MOCS1: variants seen among roughly 807,000 people sequenced by gnomAD.
MOCS1 encodes molybdenum cofactor biosynthesis protein 1.
A neutral mutation model predicts 57.6 loss-of-function variants in MOCS1; 39 were observed. The observed-to-expected ratio is 0.68, with a 90% CI of 0.52 to 0.88. MOCS1 has a LOEUF of 0.88. MOCS1 is among the 40% of genes least tolerant of loss of function. MOCS1 has a pLI of 0.00. For missense variants in MOCS1, 795 were observed against 831.1 expected (o/e 0.96, Z 0.53); for synonymous variants, 334 against 335.7 (o/e 1.00, Z 0.05).
At chr6:39,913,221 C>G in intron 6 of MOCS1, 96 bp downstream of exon 6, 1 of 1,080,600 alleles carries the variant, frequency 9.3e-7, no homozygotes, top group Non-Finnish European at 1.4e-6. Context: ...AGACTCACTG[C>G]CCCTGAGGTC....
chr6:39,917,968 C>A (rs367621986), intron 3 of MOCS1, among the ~76,000 whole-genome samples: 3 of 152,194 alleles, frequency 2.0e-5, no homozygotes, highest in Non-Finnish European at 2.9e-5. Flanking sequence ...AACACACCTG[C>A]TCACATTCAA....
chr6:39,913,748 A>C, intron 5 of MOCS1, 26 bp downstream of exon 5: 1 of 1,613,586 alleles, frequency 6.2e-7, no homozygotes, highest in Middle Eastern at 1.7e-4. Context: ...GGAAGTCGGG[A>C]ATCTACGGCA....
At chr6:39,926,443 G>A (rs1287617755) in intron 2 of MOCS1, among the ~76,000 whole-genome samples, 8 of 136,696 alleles carry the variant, frequency 5.9e-5, no homozygotes, top group East Asian at 3.7e-4. Flanking sequence ...GGTGAGCAGC[G>A]GCAGGCTGTG....
At chr6:39,927,240 C>T (rs748485627) in intron 2 of MOCS1, 89 bp downstream of exon 2, 1 of 1,520,216 alleles carries the variant, frequency 6.6e-7, no homozygotes, top group Non-Finnish European at 9.0e-7. Flanking sequence ...AACTGGAGGA[C>T]ACAGGAGGAT....
At position 39,925,673 on chromosome 6, in the gene MOCS1, C is replaced by T; in HGVS notation, c.418+5G>A. 6.2e-7 allele frequency: 1 copy of T among 1,612,826 alleles called. No individual in the cohort carries two copies. Among genetic ancestry groups the T allele is most frequent in the Non-Finnish European group, 8.5e-7 (1 of 1,179,990 alleles). On this transcript the variant is annotated splice_donor_5th_base_variant and intron_variant, in intron 3 of 10. Transcript: ENST00000340692. ...AGAAGTGGCGATGACTTTCGTCCAA[C>T]TCACCCACAATGTCCACCACGTCCG...
intron 6 of MOCS1, 88 bp downstream of exon 6, chr6:39,913,229 G>A: frequency 8.5e-7 from 1 of 1,172,136 alleles, no homozygotes; most frequent in Non-Finnish European, 1.3e-6. Flanking sequence ...TGCCCCTGAG[G>A]TCAGCCATAC....
At chr6:39,924,829 AG>A (rs1449026668) in intron 3 of MOCS1, among the ~76,000 whole-genome samples, 1 of 152,214 alleles carries the variant, frequency 6.6e-6, no homozygotes, top group Admixed American at 6.5e-5. Context: ...CTGTAATCTC[AG>A]CACTTTGGGA....
At chr6:39,923,524 C>G (rs1382505938) in intron 3 of MOCS1, among the ~76,000 whole-genome samples, 2 of 152,274 alleles carry the variant, frequency 1.3e-5, no homozygotes, top group Non-Finnish European at 2.9e-5. Context: ...GGTCCTGGCA[C>G]AAGGCGGCCC....
At chr6:39,928,453 C>T (rs561243834) in intron 1 of MOCS1, among the ~76,000 whole-genome samples, 1 of 152,278 alleles carries the variant, frequency 6.6e-6, no homozygotes, top group Non-Finnish European at 1.5e-5. Flanking sequence ...CATGAGCCAC[C>T]ACACCCGACC....
chr6:39,918,528 G>A (rs989433000), intron 3 of MOCS1, among the ~76,000 whole-genome samples: 15 of 152,182 alleles, frequency 9.9e-5, no homozygotes, highest in Non-Finnish European at 2.2e-4. Flanking sequence ...TGTTCATCAC[G>A]GAGTAATGCA....
intron 4 of MOCS1, among the ~76,000 whole-genome samples, chr6:39,915,651 G>A (rs1257089457): frequency 6.6e-6 from 1 of 152,030 alleles, no homozygotes; most frequent in Non-Finnish European, 1.5e-5. Flanking sequence ...GGGCCTGCTG[G>A]GGGACCCCCT....
At chr6:39,911,881 C>T (rs1767352124) in intron 8 of MOCS1, among the ~76,000 whole-genome samples, 1 of 152,216 alleles carries the variant, frequency 6.6e-6, no homozygotes, top group Admixed American at 6.5e-5. Flanking sequence ...ACAGGACATG[C>T]TTGTTAGATA....
chr6:39,927,997 A>C (rs1223523555), intron 1 of MOCS1, among the ~76,000 whole-genome samples: 1 of 152,058 alleles, frequency 6.6e-6, no homozygotes, highest in Admixed American at 6.6e-5. Context: ...CTGATGAGAT[A>C]ATTGCTCCAA....
rs1474064548 is a variant in MOCS1 at position 39,904,433 on chromosome 6, G to A, written c.*1924C>T. On this transcript the variant is annotated 3_prime_UTR_variant, in exon 11 of 11. Coordinates refer to ENST00000340692, the MANE Select transcript of MOCS1 (RefSeq NM_001358530.2). ...TGGCTGAGCTGGTCCTTAATAGGTTGTTTCTTGGTCTTGCTTTCTTCATGC... is the reference window on the plus strand; with the variant it reads ...TGGCTGAGCTGGTCCTTAATAGGTTATTTCTTGGTCTTGCTTTCTTCATGC... 1 of 454,822 alleles carries A rather than the reference G, an allele frequency of 2.2e-6. No homozygotes were observed. The highest frequency in any genetic ancestry group is 6.9e-5 in the East Asian group (1 of 14,400). 28.2% of individuals were successfully genotyped at this position (454,822 alleles called of 1,614,324 possible).
chr6:39,921,762 G>A (rs564018838), intron 3 of MOCS1, among the ~76,000 whole-genome samples: 1 of 152,318 alleles, frequency 6.6e-6, no homozygotes, highest in East Asian at 1.9e-4. Flanking sequence ...GGAAGAAGCT[G>A]CCGCAATGAG....
chr6:39,925,720 C>T lies in MOCS1; in HGVS notation c.376G>A (p.Gly126Ser), dbSNP rs780821607. The change falls in exon 3 of 11, where the codon GGT becomes AGT. Residue 126 changes from glycine (G) to serine (S), a missense_variant. Coordinates refer to ENST00000340692, the MANE Select transcript of MOCS1 (RefSeq NM_001358530.2). ...KEGIDKIRLT[G>S]GEPLIRPDVV... The stretch of plus-strand genomic sequence containing the variant: ...TCCGGCCGGATAAGCGGCTCTCCAC[C>T]TGTGAGCCGGATCTTGTCGATGCCT... The T allele has an allele frequency of 3.1e-6, 5 of 1,612,842 alleles. No individual in the cohort carries two copies. The highest frequency in any genetic ancestry group is 4.2e-6 in the Non-Finnish European group (5 of 1,179,984).
At position 39,913,358 on chromosome 6, in the gene MOCS1, A is replaced by T. The variant is rs7762875; in HGVS notation, c.716T>A (p.Leu239His). The T allele has an allele frequency of 0.081, 130,298 of 1,613,750 alleles. 5,966 individuals are homozygous for T. Among genetic ancestry groups the T allele is most frequent in the Non-Finnish European group, 0.095 (111,489 of 1,179,702 alleles). Reference sequence around the variant, plus strand: ...CTCTATGAAGCGCACATCCAGGGGGAGGCCCTCAGTCAAGGCCGCAAAGTC... The same window carrying T: ...CTCTATGAAGCGCACATCCAGGGGGTGGCCCTCAGTCAAGGCCGCAAAGTC... The part of the protein sequence containing the change: ...LLDFAALTEG[L>H]PLDVRFIEYM... The change falls in exon 6 of 11, where the codon CTC (leucine) becomes CAC (histidine). Residue 239 changes from leucine (L) to histidine (H), a missense_variant. Leu to His is a moderately conservative substitution (Grantham distance 99). Coordinates refer to ENST00000340692, the MANE Select transcript of MOCS1 (RefSeq NM_001358530.2).
In MOCS1 at chr6:39,925,565, A is replaced by G. The variant is rs904427033; in HGVS notation, c.418+113T>C. 4 of 1,251,388 alleles carry G rather than the reference A, an allele frequency of 3.2e-6. No homozygotes were observed. In the African/African-American group the frequency reaches 5.9e-5, roughly 18 times the overall value. 77.5% of individuals were successfully genotyped at this position (1,251,388 alleles called of 1,614,324 possible). ...CTGTCTCAGCAGGTGTTGTAGGACC[A>G]AGAGAGTGTCATGTGCTAAATGAAT... On this transcript the variant is annotated intron_variant, in intron 3 of 10. Transcript: ENST00000340692.
chr6:39,906,796 G>C lies in MOCS1; in HGVS notation c.1472C>G (p.Ala491Gly). ...CTTCCTGCCCACATCTACCATAGCT[G>C]CCCGTCCTTCCGAGTCCACATGAGT... ...QLTHVDSEGR[A>G]AMVDVGRKPD... The change falls in exon 11 of 11, where the codon GCA becomes GGA. Residue 491 changes from alanine to glycine, a missense_variant. Coordinates refer to ENST00000340692, the MANE Select transcript of MOCS1 (RefSeq NM_001358530.2). 2 of 1,614,192 alleles carry C rather than the reference G, an allele frequency of 1.2e-6. No individual in the cohort carries two copies. Among genetic ancestry groups the C allele is most frequent in the Non-Finnish European group, 1.7e-6 (2 of 1,180,038 alleles).
Sources: allele counts gnomAD v4.1 joint callset (sites outside exome capture counted in the v4.1 genomes callset), GRCh38; gene constraint gnomAD v4.1.1; transcripts MANE v1.5; gene names NCBI Gene and HGNC (gene_info 2026-07-23, HGNC 2026-07-21).